Variants in ANKRD13A observed in about 807,000 individuals in gnomAD.
ANKRD13A encodes the protein ankyrin repeat domain-containing protein 13A.
Under a neutral mutation model 81.3 loss-of-function variants are expected in ANKRD13A, and 48 were observed. The observed-to-expected ratio is 0.59, with a 90% CI of 0.47 to 0.75. The LOEUF is 0.75. Among genes scored for constraint, ANKRD13A ranks in the 30% least tolerant of loss-of-function variants. ANKRD13A has a pLI of 0.00. For missense variants in ANKRD13A, 612 were observed against 734.0 expected (o/e 0.83, Z 1.92); for synonymous variants, 230 against 270.1 (o/e 0.85, Z 1.45).
At chr12:110,025,960 C>T (rs932623608) in intron 8 of ANKRD13A, 137 bp downstream of exon 8, 4 of 662,190 alleles carry the variant, frequency 6.0e-6, no homozygotes, top group Non-Finnish European at 9.7e-6. Flanking sequence ...TTCTCTCTCT[C>T]TCTCTTTTTT....
intron 8 of ANKRD13A, among the ~76,000 whole-genome samples, chr12:110,026,797 G>A (rs1025651471): frequency 1.3e-5 from 2 of 151,992 alleles, no homozygotes; most frequent in African/African-American, 2.4e-5. Flanking sequence ...CAGGAGAATC[G>A]CTTGAACCCC....
intron 6 of ANKRD13A, chr12:110,021,024 AC>A (rs1891049174): frequency 2.5e-6 from 1 of 405,784 alleles, no homozygotes; most frequent in Non-Finnish European, 5.1e-6. Context: ...CCTGGCTGTT[AC>A]CCCACTGAGT....
intron 1 of ANKRD13A, among the ~76,000 whole-genome samples, chr12:110,006,140 T>A (rs1890232288): frequency 2.0e-5 from 3 of 152,106 alleles, no homozygotes; most frequent in Non-Finnish European, 4.4e-5. Context: ...TTTGTATGGG[T>A]ATATGTTTTC....
At position 109,999,666 on chromosome 12, in the gene ANKRD13A, G is replaced by C; in HGVS notation, c.-23G>C. 6.6e-7 allele frequency: 1 copy of C among 1,511,950 alleles called. No individual in the cohort carries two copies. Among genetic ancestry groups the C allele is most frequent in the Non-Finnish European group, 8.9e-7 (1 of 1,128,078 alleles). 93.7% of individuals were successfully genotyped at this position (1,511,950 alleles called of 1,614,324 possible). A position where few individuals can be genotyped will look rare whatever the true frequency, so the allele number is the denominator to read the frequency against. ...GCCGAGACTTGGGGCGGGCGACGAG[G>C]ACCAGGTTACGGCCTCCTCGCCATG... On this transcript the variant is annotated 5_prime_UTR_variant, in exon 1 of 15. Coordinates refer to ENST00000261739, the MANE Select transcript of ANKRD13A (RefSeq NM_033121.2). The surrounding 1 kb of genome is among the most constrained non-coding windows in gnomAD (Gnocchi z 4.3).
At chr12:110,021,084 C>T (rs886391589) in intron 6 of ANKRD13A, 2 of 456,094 alleles carry the variant, frequency 4.4e-6, no homozygotes, top group African/African-American at 2.0e-5. Flanking sequence ...GACTAAGGCA[C>T]ATTTTGTATT....
At chr12:110,017,210 C>A (rs1392720865) in intron 4 of ANKRD13A, among the ~76,000 whole-genome samples, 1 of 152,164 alleles carries the variant, frequency 6.6e-6, no homozygotes, top group Non-Finnish European at 1.5e-5. Flanking sequence ...GCACCCAGCC[C>A]AAAATGTCAC....
At chr12:110,023,894 T>G in intron 6 of ANKRD13A, 152 bp from the exon 7 acceptor site, 1 of 720,844 alleles carries the variant, frequency 1.4e-6, no homozygotes, top group Non-Finnish European at 2.4e-6. Context: ...CCATCTGTCA[T>G]TGCTAACCGC....
At chr12:110,001,918 T>C (rs1454354314) in intron 1 of ANKRD13A, among the ~76,000 whole-genome samples, 1 of 152,194 alleles carries the variant, frequency 6.6e-6, no homozygotes, top group Non-Finnish European at 1.5e-5. Flanking sequence ...AGGTAAAAAC[T>C]GTAAGACTCA....
At chr12:110,021,908 C>T (rs926882172) in intron 6 of ANKRD13A, 3 of 151,794 alleles carry the variant, frequency 2.0e-5, no homozygotes, top group Non-Finnish European at 2.9e-5. Context: ...CAAAATATTC[C>T]CTGCCACCTT....
At chr12:110,035,501 G>A (rs1891984473) in intron 13 of ANKRD13A, among the ~76,000 whole-genome samples, 1 of 151,630 alleles carries the variant, frequency 6.6e-6, no homozygotes, top group Non-Finnish European at 1.5e-5. Flanking sequence ...TCAGGCTGCA[G>A]TGCAGGGGCA....
At chr12:110,016,260 T>G in intron 3 of ANKRD13A, 128 bp from the exon 4 acceptor site, 2 of 711,790 alleles carry the variant, frequency 2.8e-6, no homozygotes, top group Admixed American at 3.6e-5. Context: ...GGGCTTACAT[T>G]TTATTTCTTC....
chr12:110,014,789 C>CTTTTT (rs761398140), intron 3 of ANKRD13A, among the ~76,000 whole-genome samples: 6 of 135,708 alleles, frequency 4.4e-5, no homozygotes, highest in African/African-American at 1.9e-4. Flanking sequence ...CATTTCTCTT[C>CTTTTT]TTTTTTTTTT....
At chr12:110,001,440 T>G (rs1817460717) in intron 1 of ANKRD13A, among the ~76,000 whole-genome samples, 1 of 151,686 alleles carries the variant, frequency 6.6e-6, no homozygotes, top group South Asian at 2.1e-4. Flanking sequence ...CTGTTTCTTT[T>G]TTTTTTTTTT....
chr12:110,012,756 T>C (rs2137106368), intron 2 of ANKRD13A, among the ~76,000 whole-genome samples: 1 of 152,294 alleles, frequency 6.6e-6, no homozygotes, highest in Middle Eastern at 3.4e-3. Flanking sequence ...CCAGAGTAAT[T>C]TTGTGTTGAC....
intron 1 of ANKRD13A, among the ~76,000 whole-genome samples, chr12:110,009,448 T>C (rs1460576649): frequency 6.6e-6 from 1 of 152,230 alleles, no homozygotes; most frequent in East Asian, 1.9e-4. Context: ...AATTCCTGAT[T>C]TTAGTAAGTT....
intron 8 of ANKRD13A, among the ~76,000 whole-genome samples, chr12:110,026,310 A>G (rs1891321923): frequency 6.6e-6 from 1 of 151,164 alleles, no homozygotes; most frequent in Non-Finnish European, 1.5e-5. Context: ...ACGGTGGCTC[A>G]TGCTTGTAAT....
intron 6 of ANKRD13A, chr12:110,021,203 A>C: frequency 2.2e-6 from 1 of 455,804 alleles, no homozygotes; most frequent in Non-Finnish European, 4.4e-6. Flanking sequence ...AATGGTGCTC[A>C]GAATTAAATG....
Position 110,037,633 on chromosome 12 carries a change from C to T in ANKRD13A, c.*79C>T. On this transcript the variant is annotated 3_prime_UTR_variant, in exon 15 of 15. Transcript: ENST00000261739. ...TGCTGTGTCAACCAGGGCCCTAGGG[C>T]TAAGGGCCTGCACCTTGCGTGCATG... 1 of 1,458,602 alleles carries T rather than the reference C, an allele frequency of 6.9e-7. No individual in the cohort carries two copies. The highest frequency in any genetic ancestry group is 9.3e-7 in the Non-Finnish European group (1 of 1,080,676). The allele number at this position is 1,458,602 out of a possible 1,614,324, so 90.4% of individuals were successfully genotyped here. A position where few individuals can be genotyped will look rare whatever the true frequency, so the allele number is the denominator to read the frequency against.
chr12:110,026,864 A>T (rs1467932295), intron 8 of ANKRD13A, among the ~76,000 whole-genome samples: 3 of 152,162 alleles, frequency 2.0e-5, no homozygotes, highest in Non-Finnish European at 4.4e-5. Flanking sequence ...CCTGGGTGAC[A>T]GAGCTAGACT....
Sources: gnomAD v4.1 joint callset for allele counts (sites outside exome capture counted in the v4.1 genomes callset) on GRCh38, gnomAD v4.1.1 for gene constraint, Gnocchi (gnomAD v3.1) non-coding constraint, MANE v1.5 for transcripts, NCBI Gene and HGNC (gene_info 2026-07-23, HGNC 2026-07-21) for gene names.